BRINP1: variants seen among roughly 807,000 people sequenced by gnomAD.
BRINP1 encodes the protein BMP/retinoic acid inducible neural specific 1.
Under a neutral mutation model 72.9 loss-of-function variants are expected in BRINP1, and 17 were observed. That is an observed-to-expected ratio of 0.23 (90% CI 0.16 to 0.35). The LOEUF is 0.35. Ranked by LOEUF, BRINP1 falls within the 10% of genes least tolerant of loss-of-function variation. The probability of loss-of-function intolerance (pLI) is 1.00; values close to 1 mark genes in which losing one functional copy is unlikely to be tolerated. For missense variants in BRINP1, 850 were observed against 1,001.6 expected (o/e 0.85, Z 2.04); for synonymous variants, 418 against 378.5 (o/e 1.10, Z -1.21).
chr9:119,358,347 A>G (rs1831591762), intron 1 of BRINP1, among the ~76,000 whole-genome samples: 1 of 151,382 alleles, frequency 6.6e-6, no homozygotes. Context: ...TCTAAAACCA[A>G]CTCAGATACG....
chr9:119,265,945 T>G (rs1318872826), intron 2 of BRINP1, among the ~76,000 whole-genome samples: 6 of 152,136 alleles, frequency 3.9e-5, no homozygotes, highest in African/African-American at 1.4e-4. Flanking sequence ...CAACCAGTGG[T>G]TTTTAAGCTG....
At chr9:119,342,581 C>T (rs1831416105) in intron 1 of BRINP1, among the ~76,000 whole-genome samples, 1 of 152,196 alleles carries the variant, frequency 6.6e-6, no homozygotes, top group Admixed American at 6.5e-5. Flanking sequence ...ATTTATGTCT[C>T]CACAAAATGG....
At chr9:119,334,778 G>T (rs1831331973) in intron 1 of BRINP1, among the ~76,000 whole-genome samples, 2 of 151,918 alleles carry the variant, frequency 1.3e-5, no homozygotes, top group Admixed American at 1.3e-4. Context: ...CTTTATGGAG[G>T]GGGTGGGGGA....
chr9:119,333,462 C>CAAA (rs544546221), intron 1 of BRINP1, among the ~76,000 whole-genome samples: 1 of 67,922 alleles, frequency 1.5e-5, no homozygotes, highest in Non-Finnish European at 3.0e-5. Context: ...GACCTTGTTT[C>CAAA]AAAAAAAAAA....
chr9:119,325,920 T>TGGAGGGAA (rs1265337312), intron 1 of BRINP1, among the ~76,000 whole-genome samples: 1 of 152,204 alleles, frequency 6.6e-6, no homozygotes, highest in Non-Finnish European at 1.5e-5. Context: ...TCTCCATGCC[T>TGGAGGGAA]CAGTGCCTTG....
At chr9:119,315,997 G>A (rs1416880955) in intron 1 of BRINP1, among the ~76,000 whole-genome samples, 5 of 152,228 alleles carry the variant, frequency 3.3e-5, no homozygotes, top group Admixed American at 1.3e-4. Flanking sequence ...AGTACAAGGT[G>A]AAGAAGCTAA....
At chr9:119,187,862 T>C (rs1037816255) in intron 7 of BRINP1, among the ~76,000 whole-genome samples, 6 of 151,974 alleles carry the variant, frequency 3.9e-5, no homozygotes, top group African/African-American at 7.3e-5. Flanking sequence ...CAAAAAGATA[T>C]CATTAAAAAG....
At chr9:119,238,625 C>T (rs1811034487) in intron 5 of BRINP1, 30 bp downstream of exon 5, 4 of 1,432,468 alleles carry the variant, frequency 2.8e-6, no homozygotes, top group Non-Finnish European at 3.9e-6. Context: ...TTTCCCCCAA[C>T]TGACCCCACT....
At position 119,369,140 on chromosome 9, in the gene BRINP1, G is replaced by C. The variant is rs2065399; in HGVS notation, c.-135C>G. 1 allele frequency: 398,396 copies of C among 398,404 alleles called. 199,194 individuals carry two copies. The highest frequency in any genetic ancestry group is 1 in the Middle Eastern group (1,590 of 1,590). The allele number at this position is 398,404 out of a possible 1,614,324, so 24.7% of individuals were successfully genotyped here. A position where few individuals can be genotyped will look rare whatever the true frequency, so the allele number is the denominator to read the frequency against. On this transcript the variant is annotated 5_prime_UTR_variant, in exon 1 of 8. Transcript: ENST00000265922. ...GTGGGAACTTGGGAGAGCCCTGCGT[G>C]CAGCTCGCATTCCGGGCACGGCGCG...
chr9:119,276,285 C>T (rs938113721), intron 2 of BRINP1, among the ~76,000 whole-genome samples: 1 of 151,944 alleles, frequency 6.6e-6, no homozygotes, highest in African/African-American at 2.4e-5. Flanking sequence ...GAATACAGTC[C>T]CTTGGTTATT....
intron 2 of BRINP1, among the ~76,000 whole-genome samples, chr9:119,250,144 A>AGGAG (rs1300367549): frequency 9.3e-6 from 1 of 107,684 alleles, no homozygotes; most frequent in Non-Finnish European, 1.9e-5. Context: ...GAGGGAGGGA[A>AGGAG]GGAGGGAGGG....
At chr9:119,313,055 C>T in intron 2 of BRINP1, 83 bp downstream of exon 2, 2 of 1,471,970 alleles carry the variant, frequency 1.4e-6, no homozygotes, top group Non-Finnish European at 1.8e-6. Context: ...CTTCTGCACA[C>T]AGCAAGGTTT....
chr9:119,202,531 T>C (rs1051591279), intron 7 of BRINP1, among the ~76,000 whole-genome samples: 3 of 152,196 alleles, frequency 2.0e-5, no homozygotes, highest in East Asian at 1.9e-4. Flanking sequence ...TGTCCAGTAA[T>C]AGCTGAGACC....
At chr9:119,292,342 T>C (rs909934472) in intron 2 of BRINP1, among the ~76,000 whole-genome samples, 12 of 152,164 alleles carry the variant, frequency 7.9e-5, no homozygotes, top group Non-Finnish European at 8.8e-5. Context: ...AAAACAGAAA[T>C]AATGACATAA....
chr9:119,244,695 A>G (rs1830296274), intron 3 of BRINP1, among the ~76,000 whole-genome samples: 2 of 152,194 alleles, frequency 1.3e-5, no homozygotes, highest in South Asian at 4.1e-4. Flanking sequence ...CCTTTAGATC[A>G]AGAGGGGTTA....
intron 1 of BRINP1, among the ~76,000 whole-genome samples, chr9:119,367,221 G>GAGAT (rs1554757524): frequency 2.0e-5 from 2 of 99,850 alleles, no homozygotes; most frequent in Non-Finnish European, 3.8e-5. Context: ...GTGTGTGATT[G>GAGAT]ATATATATAT....
intron 2 of BRINP1, among the ~76,000 whole-genome samples, chr9:119,274,346 T>G (rs543898069): frequency 6.6e-6 from 1 of 152,276 alleles, no homozygotes; most frequent in Admixed American, 6.5e-5. Context: ...TGTGAGGACC[T>G]ATGAGGGAGA....
chr9:119,244,711 C>T (rs1461792925), intron 3 of BRINP1, among the ~76,000 whole-genome samples: 2 of 152,256 alleles, frequency 1.3e-5, no homozygotes, highest in South Asian at 2.1e-4. Context: ...GGTTAATGGG[C>T]TTCTTGCTGC....
At chr9:119,233,997 T>C (rs938999471) in intron 5 of BRINP1, among the ~76,000 whole-genome samples, 2 of 152,244 alleles carry the variant, frequency 1.3e-5, no homozygotes, top group Non-Finnish European at 2.9e-5. Context: ...TATTTCTGTA[T>C]AGTAAGCTCA....
Sources: gnomAD v4.1 joint callset for allele counts (sites outside exome capture counted in the v4.1 genomes callset) on GRCh38, gnomAD v4.1.1 for gene constraint, MANE v1.5 for transcripts, NCBI Gene and HGNC (gene_info 2026-07-23, HGNC 2026-07-21) for gene names.